The following IGFL2 variants were observed in gnomAD, a reference collection of about 807,000 sequenced individuals.
The protein encoded by IGFL2 is insulin growth factor-like family member 2.
A neutral mutation model predicts 13.9 loss-of-function variants in IGFL2; 7 were observed. That is an observed-to-expected ratio of 0.51 (90% CI 0.29 to 0.95). The LOEUF (loss-of-function observed/expected upper bound fraction) is 0.95, where lower values mean the gene tolerates loss of function less well. IGFL2 is among the 40% of genes least tolerant of loss of function. The pLI is 0.08. For missense variants in IGFL2, 138 were observed against 147.8 expected (o/e 0.93, Z 0.34); for synonymous variants, 55 against 55.8 (o/e 0.99, Z 0.07).
chr19:46,163,464 G>T (rs971279435), downstream of IGFL2, among the ~76,000 whole-genome samples: 2 of 152,198 alleles, frequency 1.3e-5, no homozygotes, highest in African/African-American at 4.8e-5. Context: ...GGGGTTCCCT[G>T]CCTGGTGATG....
At chr19:46,200,473 C>CCTTTTTTCTTTTCTTTT in the IGFL2 span, among the ~76,000 whole-genome samples, 144 of 134,278 alleles carry the variant, frequency 1.1e-3, no homozygotes, top group African/African-American at 3.8e-3. Flanking sequence ...CACACCTGGC[C>CCTTTTTTCTTTTCTTTT]CTTTTCTTTT....
the IGFL2 span, among the ~76,000 whole-genome samples, chr19:46,206,212 C>T: frequency 1.3e-5 from 2 of 152,206 alleles, no homozygotes; most frequent in African/African-American, 2.4e-5. Flanking sequence ...CCGTCATCAT[C>T]ACCCACTGCT....
chr19:46,195,929 G>C, the IGFL2 span: 1 of 152,360 alleles, frequency 6.6e-6, no homozygotes, highest in Non-Finnish European at 1.5e-5. Context: ...CTGTGTGAGT[G>C]TGGGAGGGTG....
intron 2 of IGFL2, 38 bp downstream of exon 2, chr19:46,160,506 G>A (rs1187161473): frequency 6.2e-7 from 1 of 1,612,990 alleles, no homozygotes; most frequent in Non-Finnish European, 8.5e-7. Context: ...GAGGAAGGAG[G>A]CTGACTTTGG....
chr19:46,150,422 T>A (rs1452089085), intron 1 of IGFL2, among the ~76,000 whole-genome samples: 1 of 152,340 alleles, frequency 6.6e-6, no homozygotes, highest in African/African-American at 2.4e-5. Context: ...TGGTGTAATA[T>A]CTAAGAAAAT....
the IGFL2 span, among the ~76,000 whole-genome samples, chr19:46,078,653 C>T: frequency 6.6e-6 from 1 of 152,234 alleles, no homozygotes; most frequent in Non-Finnish European, 1.5e-5. Context: ...CTTTAAAATG[C>T]ATCAAACATA....
chr19:46,111,353 C>A, the IGFL2 span: 1 of 152,092 alleles, frequency 6.6e-6, no homozygotes, highest in East Asian at 1.9e-4. Context: ...TAATATGAAG[C>A]CTCAGTTTTT....
At chr19:46,129,606 T>C in the IGFL2 span, among the ~76,000 whole-genome samples, 149 of 152,304 alleles carry the variant, frequency 9.8e-4, 1 homozygote, top group African/African-American at 3.5e-3. Flanking sequence ...TCTGCCTCAA[T>C]TTCATTATTT....
At chr19:46,091,421 T>C in the IGFL2 span, among the ~76,000 whole-genome samples, 2 of 152,234 alleles carry the variant, frequency 1.3e-5, no homozygotes, top group Non-Finnish European at 2.9e-5. Context: ...GTGCTTGGCC[T>C]ACATATTTCT....
the IGFL2 span, among the ~76,000 whole-genome samples, chr19:46,102,018 A>G: frequency 2.0e-5 from 3 of 152,248 alleles, no homozygotes; most frequent in Non-Finnish European, 4.4e-5. Flanking sequence ...TGAGGACCTG[A>G]TAACATTATC....
At chr19:46,194,761 T>C in the IGFL2 span, among the ~76,000 whole-genome samples, 1 of 148,992 alleles carries the variant, frequency 6.7e-6, no homozygotes, top group African/African-American at 2.5e-5. Flanking sequence ...AAGCAGAGAT[T>C]GCAGTGAGCT....
At chr19:46,130,791 T>C in the IGFL2 span, among the ~76,000 whole-genome samples, 1 of 152,206 alleles carries the variant, frequency 6.6e-6, no homozygotes, top group Non-Finnish European at 1.5e-5. Context: ...TTGGGTTGTT[T>C]GCTTCCTTCT....
the IGFL2 span, among the ~76,000 whole-genome samples, chr19:46,176,339 C>T: frequency 6.6e-6 from 1 of 152,012 alleles, no homozygotes; most frequent in Non-Finnish European, 1.5e-5. Context: ...ATTGACCAGG[C>T]AAGAGACAGG....
chr19:46,101,472 A>G, the IGFL2 span, among the ~76,000 whole-genome samples: 8 of 152,330 alleles, frequency 5.3e-5, no homozygotes, highest in African/African-American at 1.9e-4. Context: ...GGGATGGGTC[A>G]GGGTCCAGCC....
chr19:46,176,643 C>A, the IGFL2 span, among the ~76,000 whole-genome samples: 2 of 150,950 alleles, frequency 1.3e-5, no homozygotes, highest in African/African-American at 4.9e-5. Context: ...CATTTGAGAG[C>A]CCAGATGCCA....
At chr19:46,103,260 CT>C in the IGFL2 span, among the ~76,000 whole-genome samples, 71 of 150,610 alleles carry the variant, frequency 4.7e-4, no homozygotes, top group African/African-American at 1.3e-3. Flanking sequence ...ACAGAGTCCC[CT>C]TTTTTTTTAG....
chr19:46,161,525 A>G (rs1974173461), downstream of IGFL2, among the ~76,000 whole-genome samples: 1 of 152,150 alleles, frequency 6.6e-6, no homozygotes, highest in Non-Finnish European at 1.5e-5. Context: ...GGTTGCAAAT[A>G]TATTTAGGAT....
chr19:46,099,871 C>A, the IGFL2 span, among the ~76,000 whole-genome samples: 2,017 of 152,086 alleles, frequency 0.013, 31 homozygotes, highest in Middle Eastern at 0.027. Flanking sequence ...TGTCTGCTTG[C>A]CTTATTTCAG....
the IGFL2 span, among the ~76,000 whole-genome samples, chr19:46,107,663 CTT>C: frequency 7.3e-5 from 11 of 151,576 alleles, no homozygotes; most frequent in Non-Finnish European, 1.0e-4. Context: ...TTGGCTGCCT[CTT>C]TTTTATTATT....
Sources: allele counts gnomAD v4.1 joint callset (sites outside exome capture counted in the v4.1 genomes callset), GRCh38; gene constraint gnomAD v4.1.1; transcripts MANE v1.5; gene names NCBI Gene and HGNC (gene_info 2026-07-23, HGNC 2026-07-21).